The following LPP variants were observed in gnomAD, a reference collection of about 807,000 sequenced individuals.
LPP encodes the protein LIM domain containing preferred translocation partner in lipoma, also known as lipoma-preferred partner.
Under a neutral mutation model 60.4 loss-of-function variants are expected in LPP, and 38 were observed. The ratio of observed to expected loss-of-function variants is 0.63; its 90% CI spans 0.49 to 0.83. LPP has a LOEUF of 0.83. Ranked by LOEUF, LPP falls within the 40% of genes least tolerant of loss-of-function variation. The pLI is 0.00. For synonymous variants in LPP, 328 were observed against 290.8 expected (o/e 1.13, Z -1.30); for missense variants, 902 against 783.6 (o/e 1.15, Z -1.80).
intron 6 of LPP, among the ~76,000 whole-genome samples, chr3:188,580,556 A>G (rs1027343224): frequency 3.9e-5 from 6 of 152,188 alleles, no homozygotes; most frequent in African/African-American, 1.4e-4. Context: ...CTCAGCTTAT[A>G]CTAGGAAGGC....
At chr3:188,750,665 A>C (rs1002445246) in intron 8 of LPP, among the ~76,000 whole-genome samples, 2 of 152,120 alleles carry the variant, frequency 1.3e-5, no homozygotes, top group African/African-American at 4.8e-5. Flanking sequence ...CTATCCAGAG[A>C]ATCTTGTCCA....
chr3:188,199,662 G>C (rs1730505712), intron 1 of LPP, among the ~76,000 whole-genome samples: 2 of 151,736 alleles, frequency 1.3e-5, no homozygotes, highest in Admixed American at 6.6e-5. Context: ...ACTCTGATTT[G>C]CTGATTACAT....
chr3:188,609,962 A>G lies in LPP; in HGVS notation c.1113+118A>G, dbSNP rs1843345484. 3.1e-6 allele frequency: 3 copies of G among 978,906 alleles called. No individual in the cohort carries two copies. The highest frequency in any genetic ancestry group is 4.5e-6 in the Non-Finnish European group (3 of 670,490). The allele number at this position is 978,906 out of a possible 1,614,324, so 60.6% of individuals were successfully genotyped here. A position where few individuals can be genotyped will look rare whatever the true frequency, so the allele number is the denominator to read the frequency against. The stretch of plus-strand genomic sequence containing the variant: ...TGTTACTTTTATTTCACTGACAAAT[A>G]CAATCCCAGGGAAGGATGAGTGAAG... On this transcript the variant is annotated intron_variant, in intron 7 of 11. Transcript: ENST00000617246. This position sits in a 1 kb window ranked among gnomAD's most constrained non-coding sequence, Gnocchi z 6.9.
chr3:188,500,942 C>G (rs1038051179), intron 5 of LPP, among the ~76,000 whole-genome samples: 9 of 151,832 alleles, frequency 5.9e-5, no homozygotes, highest in Non-Finnish European at 1.3e-4. Flanking sequence ...CTCTGTCTCT[C>G]TCTCACTTCA....
chr3:188,372,951 T>G (rs1773735705), intron 3 of LPP, among the ~76,000 whole-genome samples: 1 of 151,890 alleles, frequency 6.6e-6, no homozygotes, highest in Admixed American at 6.6e-5. Context: ...AGTGAGAACA[T>G]GCGGTGTTTG....
intron 2 of LPP, among the ~76,000 whole-genome samples, chr3:188,331,552 A>G (rs563324620): frequency 1.9e-3 from 288 of 152,326 alleles, no homozygotes; most frequent in Non-Finnish European, 2.3e-3. Context: ...ACATGTCCCC[A>G]GATACTCAAA....
chr3:188,334,643 A>G (rs1761146529), intron 2 of LPP, among the ~76,000 whole-genome samples: 1 of 151,968 alleles, frequency 6.6e-6, no homozygotes, highest in Admixed American at 6.6e-5. Context: ...ATTGGCCAGG[A>G]TGGTCTCCTT....
chr3:188,872,858 G>A, intron 11 of LPP, 95 bp downstream of exon 11: 2 of 1,534,056 alleles, frequency 1.3e-6, no homozygotes, highest in Non-Finnish European at 1.8e-6. Context: ...CTAAATCTCA[G>A]AACGGCCTTA....
At chr3:188,227,802 G>T (rs1718370308) in intron 2 of LPP, among the ~76,000 whole-genome samples, 1 of 152,180 alleles carries the variant, frequency 6.6e-6, no homozygotes, top group African/African-American at 2.4e-5. Context: ...AGCCTGGTTT[G>T]CTATATTCTC....
intron 1 of LPP, among the ~76,000 whole-genome samples, chr3:188,165,432 T>G (rs985082685): frequency 2.0e-5 from 3 of 152,088 alleles, no homozygotes; most frequent in Non-Finnish European, 4.4e-5. Flanking sequence ...AGACATAACA[T>G]GGATAGAGAC....
intron 2 of LPP, among the ~76,000 whole-genome samples, chr3:188,235,974 A>G (rs1721760245): frequency 6.6e-6 from 1 of 152,128 alleles, no homozygotes; most frequent in Admixed American, 6.5e-5. Context: ...CATGTCATCT[A>G]GTATAATAGT....
intron 2 of LPP, among the ~76,000 whole-genome samples, chr3:188,245,084 A>C (rs1307168537): frequency 6.6e-6 from 1 of 152,054 alleles, no homozygotes; most frequent in Non-Finnish European, 1.5e-5. Flanking sequence ...AATTGTTAGC[A>C]TAATTCTGCC....
At chr3:188,787,254 C>A (rs146243801) in intron 9 of LPP, among the ~76,000 whole-genome samples, 60 of 152,162 alleles carry the variant, frequency 3.9e-4, no homozygotes, top group African/African-American at 1.4e-3. Flanking sequence ...TACGTTATTT[C>A]TTTCAACTTC....
chr3:188,175,801 G>T lies in LPP; in HGVS notation c.-190+21549G>T, dbSNP rs554558859. Among the ~76,000 whole-genome samples, 3 of 152,184 alleles carry T rather than the reference G, an allele frequency of 2.0e-5. No homozygotes were observed. The South Asian group carries it at 6.2e-4, about 32-fold the overall frequency. On this transcript the variant is annotated intron_variant, in intron 1 of 11. Transcript: ENST00000617246. ...CCAATTTTTAAAAGGATAGTACCAG[G>T]ATGCCACTGTGCTCATAGTTGGGCT...
intron 4 of LPP, among the ~76,000 whole-genome samples, chr3:188,415,499 C>CTT (rs779216842): frequency 6.8e-6 from 1 of 146,260 alleles, no homozygotes; most frequent in Non-Finnish European, 1.5e-5. Context: ...TTCATAGCAA[C>CTT]TTTTTTTTTT....
chr3:188,296,498 G>A (rs1486723577), intron 2 of LPP, among the ~76,000 whole-genome samples: 2 of 152,176 alleles, frequency 1.3e-5, no homozygotes, highest in African/African-American at 2.4e-5. Context: ...GGTTACAGTA[G>A]GTGATAATTT....
chr3:188,781,385 G>A (rs1739600033), intron 9 of LPP, among the ~76,000 whole-genome samples: 1 of 152,216 alleles, frequency 6.6e-6, no homozygotes, highest in Non-Finnish European at 1.5e-5. Context: ...TTTCCAACAT[G>A]AAGTTTGTAT....
chr3:188,702,344 T>C (rs1451443894), intron 7 of LPP, among the ~76,000 whole-genome samples: 19 of 151,688 alleles, frequency 1.3e-4, no homozygotes, highest in African/African-American at 4.1e-4. Context: ...CTTCTTCTTT[T>C]TTTTTTTTTT....
At chr3:188,354,836 G>GACACAC (rs59234691) in intron 3 of LPP, among the ~76,000 whole-genome samples, 53,914 of 151,444 alleles carry the variant, frequency 0.36, 10,396 homozygotes, top group Middle Eastern at 0.58. Flanking sequence ...CACACACACA[G>GACACAC]ACACACACAC....
Sources: allele counts gnomAD v4.1 joint callset (sites outside exome capture counted in the v4.1 genomes callset), GRCh38; gene constraint gnomAD v4.1.1; non-coding constraint Gnocchi (gnomAD v3.1); transcripts MANE v1.5; gene names NCBI Gene and HGNC (gene_info 2026-07-23, HGNC 2026-07-21).